Variants in RASA2 observed in about 807,000 individuals in gnomAD.
RASA2 encodes ras GTPase-activating protein 2.
A neutral mutation model predicts 118.2 loss-of-function variants in RASA2; 155 were observed. The observed-to-expected ratio is 1.31, with a 90% confidence interval of 1.15 to 1.50. The LOEUF is 1.50. Among genes scored for constraint, RASA2 ranks in the 40% most tolerant of loss-of-function variants. The pLI is 0.00. For synonymous variants in RASA2, 353 were observed against 349.1 expected, an observed-to-expected ratio of 1.01 and a Z score of -0.12; for missense variants, 1,016 against 1,009.6, an observed-to-expected ratio of 1.01 and a Z score of -0.09.
chr3:141,521,756 TTC>T (rs1161778748), intron 3 of RASA2, among the ~76,000 whole-genome samples: 5 of 152,152 alleles, frequency 3.3e-5, no homozygotes, highest in Non-Finnish European at 7.4e-5. Flanking sequence ...TAACAGAAAA[TTC>T]TTTTTCCTTT....
chr3:141,529,831 A>G (rs769368559), intron 4 of RASA2, 29 bp downstream of exon 4: 5 of 1,489,134 alleles, frequency 3.4e-6, no homozygotes, highest in East Asian at 2.3e-5. Context: ...GTAATACAAG[A>G]GATTGTCACA....
At chr3:141,588,616 G>C (rs1040859233) in intron 19 of RASA2, among the ~76,000 whole-genome samples, 3 of 152,182 alleles carry the variant, frequency 2.0e-5, no homozygotes, top group African/African-American at 4.8e-5. Flanking sequence ...CTTCAGTGGA[G>C]ACTCTTGAAT....
rs1259283207 is a variant in RASA2 at position 141,579,062 on chromosome 3, A to C, written c.1591-1306A>C. 2.6e-5 allele frequency among the ~76,000 whole-genome samples: 4 copies of C among 152,102 alleles called. No homozygotes were observed. The East Asian group carries it at 7.7e-4, about 29-fold the overall frequency. On this transcript the variant is annotated intron_variant, in intron 15 of 23. Coordinates refer to ENST00000286364, the MANE Select transcript of RASA2 (RefSeq NM_006506.5). Reference sequence around the variant, plus strand: ...TCGGATATTCCTTCCTTTCCAGATTACCTTATATTCTGGTCATCTCTTCCC... The same window carrying C: ...TCGGATATTCCTTCCTTTCCAGATTCCCTTATATTCTGGTCATCTCTTCCC...
chr3:141,583,463 T>C (rs575828960), intron 17 of RASA2, among the ~76,000 whole-genome samples: 46 of 152,038 alleles, frequency 3.0e-4, no homozygotes, highest in Non-Finnish European at 6.0e-4. Context: ...AATAAATATT[T>C]GCTAACAAAT....
intron 9 of RASA2, among the ~76,000 whole-genome samples, chr3:141,567,999 T>TA (rs1249277342): frequency 6.6e-6 from 1 of 152,176 alleles, no homozygotes; most frequent in Non-Finnish European, 1.5e-5. Context: ...AGTCTCTTAG[T>TA]AAGGAGGGTT....
intron 1 of RASA2, among the ~76,000 whole-genome samples, chr3:141,505,230 G>C (rs375547186): frequency 1.2e-4 from 19 of 152,110 alleles, no homozygotes; most frequent in African/African-American, 4.6e-4. Flanking sequence ...CAACAGTTTC[G>C]TATGGGCAGA....
intron 4 of RASA2, among the ~76,000 whole-genome samples, chr3:141,530,111 A>G (rs2082239889): frequency 6.6e-6 from 1 of 152,056 alleles, no homozygotes; most frequent in African/African-American, 2.4e-5. Flanking sequence ...AAGGGAAAAT[A>G]TGTGTTTTAT....
intron 5 of RASA2, among the ~76,000 whole-genome samples, chr3:141,549,260 G>A (rs2082534287): frequency 6.6e-6 from 1 of 151,996 alleles, no homozygotes; most frequent in Non-Finnish European, 1.5e-5. Context: ...CTTCAGTTAT[G>A]CCTTCTTTTT....
At chr3:141,499,417 T>C (rs984140126) in intron 1 of RASA2, among the ~76,000 whole-genome samples, 1 of 152,176 alleles carries the variant, frequency 6.6e-6, no homozygotes, top group Non-Finnish European at 1.5e-5. Flanking sequence ...GTTCAGGTTT[T>C]ATAGCCACAC....
chr3:141,575,779 GT>G (rs1233102597), intron 14 of RASA2, among the ~76,000 whole-genome samples: 1 of 152,140 alleles, frequency 6.6e-6, no homozygotes, highest in African/African-American at 2.4e-5. Context: ...ACTTTATGGG[GT>G]TTTTTTGGGT....
At chr3:141,518,664 A>G (rs2082067534) in intron 3 of RASA2, among the ~76,000 whole-genome samples, 1 of 151,400 alleles carries the variant, frequency 6.6e-6, no homozygotes, top group South Asian at 2.1e-4. Context: ...TGTTTTTTTG[A>G]TAAACCTTTC....
intron 17 of RASA2, among the ~76,000 whole-genome samples, chr3:141,583,525 C>T (rs2083149612): frequency 6.6e-6 from 1 of 152,150 alleles, no homozygotes; most frequent in Non-Finnish European, 1.5e-5. Context: ...AACTCAGACT[C>T]CATTAGTGCA....
chr3:141,527,596 AC>A (rs2082202682), intron 3 of RASA2, among the ~76,000 whole-genome samples: 1 of 152,052 alleles, frequency 6.6e-6, no homozygotes, highest in Non-Finnish European at 1.5e-5. Flanking sequence ...AATTAGGACT[AC>A]TTGATAGAAT....
intron 9 of RASA2, among the ~76,000 whole-genome samples, chr3:141,563,970 C>CT (rs539729864): frequency 0.023 from 2,914 of 126,814 alleles, 143 homozygotes; most frequent in East Asian, 0.18. Context: ...GTTGTGAAGT[C>CT]TTTTTTTTTT....
chr3:141,588,925 T>A (rs1049522017), intron 19 of RASA2, among the ~76,000 whole-genome samples: 1 of 151,844 alleles, frequency 6.6e-6, no homozygotes, highest in Non-Finnish European at 1.5e-5. Flanking sequence ...CACTGCAACC[T>A]CTGCCTCCCG....
intron 15 of RASA2, chr3:141,578,527 T>C (rs1480819077): frequency 1.3e-5 from 2 of 152,210 alleles, no homozygotes; most frequent in Non-Finnish European, 2.9e-5. Context: ...GACACTCACT[T>C]AACTTTGTGA....
At chr3:141,584,347 AAAAAAAAAG>A (rs1272666584) in intron 17 of RASA2, among the ~76,000 whole-genome samples, 11 of 150,434 alleles carry the variant, frequency 7.3e-5, no homozygotes, top group African/African-American at 2.2e-4. Flanking sequence ...AAAAAAAAAA[AAAAAAAAAG>A]AAAGGAAAAA....
At chr3:141,567,107 A>G (rs2082831621) in intron 9 of RASA2, among the ~76,000 whole-genome samples, 1 of 152,172 alleles carries the variant, frequency 6.6e-6, no homozygotes, top group Non-Finnish European at 1.5e-5. Flanking sequence ...AAAACTTGAA[A>G]ACTATGAGTA....
At chr3:141,568,510 A>T (rs1388894560) in intron 9 of RASA2, among the ~76,000 whole-genome samples, 2 of 151,810 alleles carry the variant, frequency 1.3e-5, no homozygotes, top group African/African-American at 4.8e-5. Context: ...AAACAAAGTT[A>T]AAAGAGAAAA....
Sources: allele counts gnomAD v4.1 joint callset (sites outside exome capture counted in the v4.1 genomes callset), GRCh38; gene constraint gnomAD v4.1.1; transcripts MANE v1.5; gene names NCBI Gene and HGNC (gene_info 2026-07-23, HGNC 2026-07-21).